Variants in CLIP1 observed in about 807,000 individuals in gnomAD.
CLIP1 encodes CAP-Gly domain-containing linker protein 1.
Under a neutral mutation model 161.6 loss-of-function variants are expected in CLIP1, and 66 were observed. The observed-to-expected ratio is 0.41, with a 90% CI of 0.33 to 0.50. The LOEUF (loss-of-function observed/expected upper bound fraction) is 0.50. Among genes scored for constraint, CLIP1 ranks in the 20% least tolerant of loss-of-function variants. The pLI, the probability that CLIP1 is intolerant of heterozygous loss-of-function variation, is 0.27. For missense variants in CLIP1, 1,376 were observed against 1,702.0 expected, an observed-to-expected ratio of 0.81 and a Z score of 3.37; for synonymous variants, 598 against 626.2, an observed-to-expected ratio of 0.96 and a Z score of 0.67.
At chr12:122,391,118 T>C (rs571386939) in intron 1 of CLIP1, among the ~76,000 whole-genome samples, 6 of 152,042 alleles carry the variant, frequency 3.9e-5, no homozygotes, top group Non-Finnish European at 7.4e-5. Context: ...CGAAACCCCG[T>C]CTCTACTAAA....
In CLIP1 at chr12:122,378,178, C is replaced by G. The variant is rs567565231; in HGVS notation, c.86-218G>C. ...CTCGGCTCACTGCAACCTCCACCTT[C>G]CGGGTACAAGTGATTCTCCTCCTTC... On this transcript the variant is annotated intron_variant, in intron 2 of 25. Coordinates refer to ENST00000620786, the MANE Select transcript of CLIP1 (RefSeq NM_001247997.2). 5.3e-5 allele frequency among the ~76,000 whole-genome samples: 8 copies of G among 150,844 alleles called. No homozygotes were observed. In the East Asian group the frequency reaches 1.4e-3, roughly 26 times the overall value.
chr12:122,329,943 C>A lies in CLIP1; in HGVS notation c.2868-1517G>T, dbSNP rs561312494. On this transcript the variant is annotated intron_variant, in intron 15 of 25. Transcript: ENST00000620786. Reference sequence around the variant, plus strand: ...GACCAGCCTGACCAACATAGAGAAACCCCATCTCTACTAAAAATACAAAAT... The same window carrying A: ...GACCAGCCTGACCAACATAGAGAAAACCCATCTCTACTAAAAATACAAAAT... Among the ~76,000 whole-genome samples the A allele has an allele frequency of 2.6e-3, 391 of 152,130 alleles. 1 individual carries two copies. The highest frequency in any genetic ancestry group is 3.4e-3 in the Middle Eastern group (1 of 294).
At chr12:122,351,056 T>G in intron 9 of CLIP1, 55 bp downstream of exon 9, 4 of 1,314,136 alleles carry the variant, frequency 3.0e-6, no homozygotes, top group Non-Finnish European at 4.2e-6. Context: ...CATTTTAATC[T>G]GTGATCAATC....
Position 122,311,474 on chromosome 12 carries a change from G to C in CLIP1, c.3474-1592C>G, listed in dbSNP as rs1951061534. On this transcript the variant is annotated intron_variant, in intron 19 of 25. Coordinates refer to ENST00000620786, the MANE Select transcript of CLIP1 (RefSeq NM_001247997.2). This position sits in a 1 kb window ranked among gnomAD's most constrained non-coding sequence, Gnocchi z 4.3. ...GAGTCTCGCTCTGTCGCCCAGGCTG[G>C]AGTGCAGTGGCACGAACTCGGCTCA... is the stretch of plus-strand genomic sequence containing the variant. 6.6e-6 allele frequency among the ~76,000 whole-genome samples: 1 copy of C among 151,684 alleles called. No individual in the cohort carries two copies. Among genetic ancestry groups the C allele is most frequent in the Admixed American group, 6.6e-5 (1 of 15,224 alleles).
chr12:122,343,829 A>T (rs1407330294), intron 10 of CLIP1: 1 of 152,232 alleles, frequency 6.6e-6, no homozygotes, highest in African/African-American at 2.4e-5. Context: ...TGTGGAAAAT[A>T]GCTTCCATCA....
At chr12:122,337,831 T>A (rs572873282) in intron 11 of CLIP1, among the ~76,000 whole-genome samples, 1 of 151,338 alleles carries the variant, frequency 6.6e-6, no homozygotes, top group Admixed American at 6.6e-5. Flanking sequence ...CTGGCCAACA[T>A]GGTGAAACCC....
At chr12:122,349,985 A>G (rs1424842056) in intron 9 of CLIP1, among the ~76,000 whole-genome samples, 1 of 151,468 alleles carries the variant, frequency 6.6e-6, no homozygotes, top group Non-Finnish European at 1.5e-5. Context: ...TGTCACTGCA[A>G]CCTCTGCCTC....
chr12:122,417,571 G>A (rs2137224343), intron 1 of CLIP1, among the ~76,000 whole-genome samples: 1 of 146,298 alleles, frequency 6.8e-6, no homozygotes, highest in African/African-American at 2.5e-5. Context: ...GGAGTGCAGT[G>A]GCGAGATCTC....
rs184407610 is a variant in CLIP1 at position 122,355,629 on chromosome 12, A to G, written c.1006-317T>C. The G allele has an allele frequency of 2.4e-4, 63 of 264,808 alleles. No individual in the cohort carries two copies. Among genetic ancestry groups the G allele is most frequent in the Middle Eastern group, 1.2e-3 (1 of 808 alleles). The allele number at this position is 264,808 out of a possible 1,614,324, so 16.4% of individuals were successfully genotyped here. The stretch of plus-strand genomic sequence containing the variant: ...TTTGAGACCTGGCCAAGATGATGAG[A>G]CCCCATCTCTACTAAAAATACAAAA... On this transcript the variant is annotated intron_variant, in intron 5 of 25. Coordinates refer to ENST00000620786, the MANE Select transcript of CLIP1 (RefSeq NM_001247997.2). The surrounding 1 kb of genome is among the most constrained non-coding windows in gnomAD (Gnocchi z 4.1).
intron 1 of CLIP1, among the ~76,000 whole-genome samples, chr12:122,398,512 A>C (rs1956017342): frequency 1.3e-5 from 2 of 152,088 alleles, no homozygotes; most frequent in African/African-American, 4.8e-5. Flanking sequence ...TGAATAATTA[A>C]AGTACTATAT....
chr12:122,413,862 T>C (rs1195656848), intron 1 of CLIP1, among the ~76,000 whole-genome samples: 1 of 149,646 alleles, frequency 6.7e-6, no homozygotes, highest in Non-Finnish European at 1.5e-5. Context: ...AAGTGCCATA[T>C]GGAGATTAAA....
intron 3 of CLIP1, among the ~76,000 whole-genome samples, chr12:122,371,457 A>G (rs555492399): frequency 9.2e-5 from 14 of 152,352 alleles, no homozygotes; most frequent in African/African-American, 3.4e-4. Flanking sequence ...CGCTCCAAAC[A>G]TTGTGAAAAT....
chr12:122,325,390 G>C (rs1593070358), intron 17 of CLIP1, among the ~76,000 whole-genome samples: 1 of 152,022 alleles, frequency 6.6e-6, no homozygotes, highest in Non-Finnish European at 1.5e-5. Context: ...CTCCCATCAT[G>C]GTGACCATAT....
chr12:122,411,269 A>G (rs1337355786), intron 1 of CLIP1, among the ~76,000 whole-genome samples: 1 of 152,142 alleles, frequency 6.6e-6, no homozygotes, highest in Non-Finnish European at 1.5e-5. Flanking sequence ...TATAAAAATT[A>G]ACTGGGTGTG....
chr12:122,310,664 C>T (rs1951030251), intron 19 of CLIP1, among the ~76,000 whole-genome samples: 1 of 152,120 alleles, frequency 6.6e-6, no homozygotes, highest in African/African-American at 2.4e-5. Context: ...CATGAATATG[C>T]ACAATATTTG....
At chr12:122,379,984 C>G (rs1954936978) in intron 2 of CLIP1, among the ~76,000 whole-genome samples, 1 of 143,498 alleles carries the variant, frequency 7.0e-6, no homozygotes, top group African/African-American at 2.6e-5. Context: ...GTGGCTCACG[C>G]CTGTAATCTC....
intron 20 of CLIP1, among the ~76,000 whole-genome samples, chr12:122,303,604 A>C (rs2136443775): frequency 6.6e-6 from 1 of 151,868 alleles, no homozygotes; most frequent in Non-Finnish European, 1.5e-5. Context: ...CACATCACTC[A>C]CTCTACCTGA....
At position 122,341,456 on chromosome 12, in the gene CLIP1, G is replaced by A; in HGVS notation, c.1748C>T (p.Thr583Ile). 4 of 1,613,370 alleles carry A rather than the reference G, an allele frequency of 2.5e-6. No homozygotes were observed. The highest frequency in any genetic ancestry group is 3.4e-6 in the Non-Finnish European group (4 of 1,179,526). The change falls in exon 11 of 26, where the codon ACT becomes ATT. Residue 583 changes from threonine to isoleucine, a missense_variant. Thr to Ile is a moderately conservative substitution (Grantham distance 89, BLOSUM62 -1). Coordinates refer to ENST00000620786, the MANE Select transcript of CLIP1 (RefSeq NM_001247997.2). ...LKEHFGAREE[T>I]HQKEIKALYT... Reference sequence around the variant, plus strand: ...CAGAGCCTTTATCTCCTTCTGATGAGTTTCTTCCCGGGCTCCAAAATGCTC... The same window carrying A: ...CAGAGCCTTTATCTCCTTCTGATGAATTTCTTCCCGGGCTCCAAAATGCTC...
chr12:122,356,765 GTGCCTGCGA>G (rs1450113945), intron 5 of CLIP1, among the ~76,000 whole-genome samples: 1 of 151,974 alleles, frequency 6.6e-6, no homozygotes, highest in East Asian at 1.9e-4. Context: ...AGCCTGCCGA[GTGCCTGCGA>G]TTGCAGGCGC....
Sources: allele counts gnomAD v4.1 joint callset (sites outside exome capture counted in the v4.1 genomes callset), GRCh38; gene constraint gnomAD v4.1.1; non-coding constraint Gnocchi (gnomAD v3.1); transcripts MANE v1.5; gene names NCBI Gene and HGNC (gene_info 2026-07-23, HGNC 2026-07-21).